Variants in ABCB11 observed in about 807,000 individuals in gnomAD.
ABCB11 encodes the protein ATP binding cassette subfamily B member 11, also known as bile salt export pump.
In ABCB11, 95 loss-of-function variants were observed where a neutral mutation model predicts 148.0. The observed-to-expected ratio is 0.64, with a 90% CI of 0.54 to 0.76. The LOEUF (loss-of-function observed/expected upper bound fraction) is 0.76, where lower values mean the gene tolerates loss of function less well. Among genes scored for constraint, ABCB11 ranks in the 30% least tolerant of loss-of-function variants. The pLI is 0.00. For missense variants in ABCB11, 1,523 were observed against 1,617.8 expected, an observed-to-expected ratio of 0.94 and a Z score of 1.01; for synonymous variants, 591 against 555.4, an observed-to-expected ratio of 1.06 and a Z score of -0.90.
chr2:168,986,096 T>C lies in ABCB11; in HGVS notation c.1083+14A>G. On this transcript the variant is annotated intron_variant, in intron 10 of 27. Coordinates refer to ENST00000650372, the MANE Select transcript of ABCB11 (RefSeq NM_003742.4). ...GAAGGAAATGCTATGTCTCGGTCAA[T>C]AAGTCCAAGGTACCTGGACAAGGGT... 1 of 1,543,920 alleles carries C rather than the reference T, an allele frequency of 6.5e-7. No individual in the cohort carries two copies. The highest frequency in any genetic ancestry group is 8.8e-7 in the Non-Finnish European group (1 of 1,142,630).
intron 10 of ABCB11, among the ~76,000 whole-genome samples, chr2:168,981,085 C>A (rs1573935167): frequency 6.6e-6 from 1 of 152,246 alleles, no homozygotes; most frequent in East Asian, 1.9e-4. Flanking sequence ...GTGATGGTTT[C>A]TATAGGCCAG....
rs576186220 is a variant in ABCB11, at chr2:169,005,929, A to G, written c.389+7343T>C. 3.9e-5 allele frequency among the ~76,000 whole-genome samples: 6 copies of G among 152,322 alleles called. No homozygotes were observed. The East Asian group carries it at 1.2e-3, about 29-fold the overall frequency. ...TCAGCAATCAAAAACTTTCAACAACAAAGAGTCTAAGATGAGATGACTTCA... is the reference window on the plus strand; with the variant it reads ...TCAGCAATCAAAAACTTTCAACAACGAAGAGTCTAAGATGAGATGACTTCA... On this transcript the variant is annotated intron_variant, in intron 5 of 27. Transcript: ENST00000650372.
At chr2:168,969,116 TAA>T (rs66474338) in intron 16 of ABCB11, among the ~76,000 whole-genome samples, 48 of 140,098 alleles carry the variant, frequency 3.4e-4, no homozygotes, top group African/African-American at 5.9e-4. Flanking sequence ...TGCGCAGGGT[TAA>T]AAAAAAAAAA....
rs2193831 is a variant in ABCB11, at chr2:168,970,367, C to T, written c.1639-152G>A. On this transcript the variant is annotated intron_variant, in intron 14 of 27. Coordinates refer to ENST00000650372, the MANE Select transcript of ABCB11 (RefSeq NM_003742.4). Reference sequence around the variant, plus strand: ...CTGAAAGAAATATCCCTTCCCCAGACGGGTTATTGTCTAATCAATATTTAT... The same window carrying T: ...CTGAAAGAAATATCCCTTCCCCAGATGGGTTATTGTCTAATCAATATTTAT... 905,850 of 1,528,576 alleles carry T rather than the reference C, an allele frequency of 0.59. 270,266 individuals carry two copies. The highest frequency in any genetic ancestry group is 0.75 in the East Asian group (30,553 of 40,666). The allele number at this position is 1,528,576 out of a possible 1,614,324, so 94.7% of individuals were successfully genotyped here.
intron 24 of ABCB11, among the ~76,000 whole-genome samples, chr2:168,931,453 G>A (rs1691562768): frequency 6.6e-6 from 1 of 152,184 alleles, no homozygotes; most frequent in Admixed American, 6.5e-5. Flanking sequence ...CTTTACTAGT[G>A]TTTAGGTTTG....
At chr2:168,992,557 C>T (rs565157849) in intron 8 of ABCB11, among the ~76,000 whole-genome samples, 1 of 152,182 alleles carries the variant, frequency 6.6e-6, no homozygotes, top group South Asian at 2.1e-4. Context: ...ATATACATCT[C>T]TCTTTAGCAA....
Position 168,986,031 on chromosome 2 carries a change from T to A in ABCB11, c.1083+79A>T, listed in dbSNP as rs1301066918. 3 of 1,202,528 alleles carry A rather than the reference T, an allele frequency of 2.5e-6. No individual in the cohort carries two copies. In the Admixed American group the frequency reaches 1.0e-4, roughly 41 times the overall value. The allele number at this position is 1,202,528 out of a possible 1,614,324, so 74.5% of individuals were successfully genotyped here. ...TTTTTTCCTGAAGGCACCAAAGTAA[T>A]AAACAAAATATCTAATCCATGGACT... On this transcript the variant is annotated intron_variant, in intron 10 of 27. Transcript: ENST00000650372.
intron 15 of ABCB11, 81 bp downstream of exon 15, chr2:168,969,964 A>AACCC: frequency 7.1e-6 from 4 of 560,780 alleles, no homozygotes; most frequent in Non-Finnish European, 1.0e-5. Flanking sequence ...CATCCCTCCC[A>AACCC]CCCCACAAGG....
At chr2:168,980,414 GC>G (rs1399472410) in intron 10 of ABCB11, among the ~76,000 whole-genome samples, 1 of 152,098 alleles carries the variant, frequency 6.6e-6, no homozygotes, top group African/African-American at 2.4e-5. Context: ...GCTGGTACAT[GC>G]AAAACCAACC....
At chr2:168,966,071 G>A (rs779849284) in intron 17 of ABCB11, among the ~76,000 whole-genome samples, 7 of 151,772 alleles carry the variant, frequency 4.6e-5, no homozygotes, top group Non-Finnish European at 1.0e-4. Flanking sequence ...CACCTCCAGA[G>A]ACTCCCTCCC....
At chr2:168,964,633 C>T (rs1386048274) in intron 17 of ABCB11, among the ~76,000 whole-genome samples, 2 of 151,770 alleles carry the variant, frequency 1.3e-5, no homozygotes, top group Non-Finnish European at 1.5e-5. Flanking sequence ...CTTTCCAAAC[C>T]CACATGGTTC....
At chr2:169,023,850 T>C (rs1255903145) in intron 1 of ABCB11, among the ~76,000 whole-genome samples, 1 of 152,188 alleles carries the variant, frequency 6.6e-6, no homozygotes, top group Non-Finnish European at 1.5e-5. Context: ...CCCTGAACTG[T>C]ATCTGCATGT....
chr2:168,999,466 A>G lies in ABCB11; in HGVS notation c.390-2744T>C, dbSNP rs181675618. On this transcript the variant is annotated intron_variant, in intron 5 of 27. Coordinates refer to ENST00000650372, the MANE Select transcript of ABCB11 (RefSeq NM_003742.4). ...CAAGACTCCCTCATATTGTCCTTTTATATCTCCACATGCTTCTATCCAATC... is the reference window on the plus strand; with the variant it reads ...CAAGACTCCCTCATATTGTCCTTTTGTATCTCCACATGCTTCTATCCAATC... 1.7e-3 allele frequency among the ~76,000 whole-genome samples: 253 copies of G among 152,070 alleles called. 1 individual carries two copies. The highest frequency in any genetic ancestry group is 5.8e-3 in the African/African-American group (239 of 41,488).
rs368297188 is a variant in ABCB11 at position 168,958,044 on chromosome 2, T to G, written c.2263A>C (p.Met755Leu). ...GCTGCACCCACAGACCCTACCAGCA[T>G]GTAGGGCCATTCTGGAGCACTGAAT... is the stretch of plus-strand genomic sequence containing the variant. ...LKFSAPEWPY[M>L]LVGSVGAAVN... is the part of the protein sequence containing the mutation. The change falls in exon 19 of 28, where the codon ATG (methionine) becomes CTG (leucine). Residue 755 changes from methionine to leucine, a missense_variant. Coordinates refer to ENST00000650372, the MANE Select transcript of ABCB11 (RefSeq NM_003742.4). 2 of 1,611,272 alleles carry G rather than the reference T, an allele frequency of 1.2e-6. No homozygotes were observed. The highest frequency in any genetic ancestry group is 1.3e-5 in the African/African-American group (1 of 74,804).
chr2:168,984,966 A>C (rs1349007194), intron 10 of ABCB11, among the ~76,000 whole-genome samples: 1 of 152,166 alleles, frequency 6.6e-6, no homozygotes, highest in South Asian at 2.1e-4. Flanking sequence ...TTTTCACAGC[A>C]TAAGGAACAG....
chr2:168,941,303 T>C (rs1278366836), intron 21 of ABCB11, among the ~76,000 whole-genome samples: 2 of 151,996 alleles, frequency 1.3e-5, no homozygotes, highest in Admixed American at 1.3e-4. Context: ...ATACACTTTA[T>C]ATGTATATAT....
chr2:169,028,829 T>C (rs1341733985), intron 1 of ABCB11, among the ~76,000 whole-genome samples: 1 of 152,236 alleles, frequency 6.6e-6, no homozygotes, highest in Non-Finnish European at 1.5e-5. Flanking sequence ...TGGCTCTGTC[T>C]GTGTTCTAGG....
rs760247417 is a variant in ABCB11, at chr2:168,993,753, A to G, written c.741T>C (p.Ser247=). 4.3e-5 allele frequency: 70 copies of G among 1,610,280 alleles called. No individual in the cohort carries two copies. Among genetic ancestry groups the G allele is most frequent in the Non-Finnish European group, 5.7e-5 (67 of 1,178,180 alleles). Residue 247 remains serine, a synonymous_variant, in exon 8 of 28, where the codon TCT becomes TCC. Coordinates refer to ENST00000650372, the MANE Select transcript of ABCB11 (RefSeq NM_003742.4). ...CTCCAATCCCAATGAGAGGGCTGACAGAAATAATAACCAAGGTCAGTTTCC... is the reference window on the plus strand; with the variant it reads ...CTCCAATCCCAATGAGAGGGCTGACGGAAATAATAACCAAGGTCAGTTTCC... The part of the protein sequence containing the change: ...RGWKLTLVII[S]VSPLIGIGAA...
At position 168,927,162 on chromosome 2, in the gene ABCB11, G is replaced by A; in HGVS notation, c.3612C>T (p.Leu1204=). The change falls in exon 26 of 28, where the codon CTC becomes CTT. Residue 1204 remains leucine, a synonymous_variant. Coordinates refer to ENST00000650372, the MANE Select transcript of ABCB11 (RefSeq NM_003742.4). ...GCTCTGACTTCGTACTCACCTCTGG[G>A]AGTGACATGACAAAATCATGCAGCT... ...QAQLHDFVMS[L]PEKYETNVGS... 6.2e-7 allele frequency: 1 copy of A among 1,613,450 alleles called. No homozygotes were observed. Among genetic ancestry groups the A allele is most frequent in the Non-Finnish European group, 8.5e-7 (1 of 1,179,500 alleles).
Sources: allele counts gnomAD v4.1 joint callset (sites outside exome capture counted in the v4.1 genomes callset), GRCh38; gene constraint gnomAD v4.1.1; transcripts MANE v1.5; gene names NCBI Gene and HGNC (gene_info 2026-07-23, HGNC 2026-07-21).